Variants in MAP3K7 observed in about 807,000 individuals in gnomAD.
MAP3K7 encodes the protein mitogen-activated protein kinase kinase kinase 7, also known as TGF-beta activated kinase 1.
Under a neutral mutation model 84.8 loss-of-function variants are expected in MAP3K7, and 21 were observed. The ratio of observed to expected loss-of-function variants is 0.25; its 90% CI spans 0.18 to 0.36. The LOEUF (loss-of-function observed/expected upper bound fraction) is 0.36, where lower values mean the gene tolerates loss of function less well. Among genes scored for constraint, MAP3K7 ranks in the 10% least tolerant of loss-of-function variants. MAP3K7 has a pLI of 1.00. For synonymous variants in MAP3K7, 241 were observed against 247.7 expected (o/e 0.97, Z 0.25); for missense variants, 503 against 747.7 (o/e 0.67, Z 3.82).
intron 3 of MAP3K7, among the ~76,000 whole-genome samples, chr6:90,568,054 G>T (rs1028386468): frequency 6.8e-6 from 1 of 147,248 alleles, no homozygotes; most frequent in African/African-American, 2.5e-5. Context: ...CACACACTGG[G>T]TCCTGTTGTG....
chr6:90,554,198 T>C (rs1354239873), intron 6 of MAP3K7, among the ~76,000 whole-genome samples: 1 of 152,220 alleles, frequency 6.6e-6, no homozygotes, highest in Non-Finnish European at 1.5e-5. Context: ...TGAGCCATTG[T>C]GCCTGGCCTC....
intron 16 of MAP3K7, among the ~76,000 whole-genome samples, chr6:90,517,812 C>T (rs1775016046): frequency 6.6e-6 from 1 of 151,526 alleles, no homozygotes; most frequent in Admixed American, 6.6e-5. Flanking sequence ...GAAGGGAATC[C>T]TATTATCATA....
intron 12 of MAP3K7, among the ~76,000 whole-genome samples, chr6:90,539,671 A>G (rs771196638): frequency 1.1e-4 from 16 of 151,880 alleles, no homozygotes; most frequent in African/African-American, 2.7e-4. Flanking sequence ...TAAAAAAGTG[A>G]TATTTTCATC....
chr6:90,559,650 C>T (rs953694229), intron 5 of MAP3K7, among the ~76,000 whole-genome samples: 2 of 152,164 alleles, frequency 1.3e-5, no homozygotes, highest in Non-Finnish European at 2.9e-5. Flanking sequence ...TGCCCTTTTA[C>T]TTTCCTCTGA....
At position 90,566,894 on chromosome 6, in the gene MAP3K7, T is replaced by G. The variant is rs531076889; in HGVS notation, c.297+1664A>C. Among the ~76,000 whole-genome samples, 44 of 152,190 alleles carry G rather than the reference T, an allele frequency of 2.9e-4. No homozygotes were observed. In the South Asian group the frequency reaches 7.7e-3, roughly 27 times the overall value. ...AGACCAATGGAACAGAACAGAGCCCTCAGAAATAATACCATACATCTACAA... is the reference window on the plus strand; with the variant it reads ...AGACCAATGGAACAGAACAGAGCCCGCAGAAATAATACCATACATCTACAA... On this transcript the variant is annotated intron_variant, in intron 3 of 16. Coordinates refer to ENST00000369329, the MANE Select transcript of MAP3K7 (RefSeq NM_145331.3).
chr6:90,571,367 A>C (rs1268191300), intron 2 of MAP3K7, among the ~76,000 whole-genome samples: 2 of 152,132 alleles, frequency 1.3e-5, no homozygotes, highest in Admixed American at 6.6e-5. Context: ...AAATTTCTTA[A>C]TTTTAGATAA....
chr6:90,517,962 C>T (rs157702), intron 16 of MAP3K7, among the ~76,000 whole-genome samples: 106,451 of 151,418 alleles, frequency 0.7, 37,747 homozygotes, highest in Middle Eastern at 0.8. Flanking sequence ...ACTGTGAATG[C>T]AGTAGTAAGG....
At chr6:90,567,931 G>A (rs1776765591) in intron 3 of MAP3K7, among the ~76,000 whole-genome samples, 1 of 152,184 alleles carries the variant, frequency 6.6e-6, no homozygotes, top group South Asian at 2.1e-4. Context: ...GATGAAGCTG[G>A]AAACCATTAT....
At chr6:90,553,820 CTTTTTTCATCAAGAGGCAG>C (rs887876580) in intron 6 of MAP3K7, among the ~76,000 whole-genome samples, 10 of 152,216 alleles carry the variant, frequency 6.6e-5, no homozygotes, top group Admixed American at 2.6e-4. Context: ...TATTTTCTAT[CTTTTTTCATCAAGAGGCAG>C]TTTTTTCATC....
intron 1 of MAP3K7, among the ~76,000 whole-genome samples, chr6:90,580,514 T>A (rs1777234407): frequency 6.6e-6 from 1 of 152,138 alleles, no homozygotes; most frequent in South Asian, 2.1e-4. Flanking sequence ...AGAGACAGGG[T>A]CTCACTATGT....
chr6:90,564,690 G>A (rs1283685864), intron 3 of MAP3K7, among the ~76,000 whole-genome samples: 3 of 152,172 alleles, frequency 2.0e-5, no homozygotes, highest in Non-Finnish European at 4.4e-5. Context: ...GGATATCCAC[G>A]AATTGAACTC....
In MAP3K7 at chr6:90,515,828, G is replaced by C. The variant is rs1010781283; in HGVS notation, c.*673C>G. ...CTTAAAAAAAAATGAGTTCCATTTT[G>C]TTCAATGTATCACAATCAAATTTTA... On this transcript the variant is annotated 3_prime_UTR_variant, in exon 17 of 17. Transcript: ENST00000369329. 6.6e-6 allele frequency: 1 copy of C among 152,018 alleles called. No homozygotes were observed. Among genetic ancestry groups the C allele is most frequent in the Middle Eastern group, 3.4e-3 (1 of 294 alleles). 9.4% of individuals were successfully genotyped at this position (152,018 alleles called of 1,614,324 possible).
In MAP3K7 at chr6:90,553,579, A is replaced by C. The variant is rs1201135517; in HGVS notation, c.615T>G (p.Asn205Lys). 6.2e-7 allele frequency: 1 copy of C among 1,604,986 alleles called. No homozygotes were observed. The highest frequency in any genetic ancestry group is 1.1e-5 in the South Asian group (1 of 88,928). The change falls in exon 7 of 17, where the codon AAT becomes AAG. Residue 205 changes from asparagine to lysine, a missense_variant. Physicochemically the swap from Asn to Lys is moderately conservative, Grantham distance 94 (BLOSUM62 0). Coordinates refer to ENST00000369329, the MANE Select transcript of MAP3K7 (RefSeq NM_145331.3). ...WMAPEVFEGS[N>K]YSEKCDVFSW... ...TGAAGACGTCACATTTTTCACTGTAATTACTACCTAGAAAAAAAAAAGGTA... is the reference window on the plus strand; with the variant it reads ...TGAAGACGTCACATTTTTCACTGTACTTACTACCTAGAAAAAAAAAAGGTA...
In MAP3K7 at chr6:90,556,602, TC is replaced by T; in HGVS notation, c.504del (p.Thr169GlnfsTer3). 1 of 1,607,724 alleles carries T rather than the reference TC, an allele frequency of 6.2e-7. No homozygotes were observed. Among genetic ancestry groups the T allele is most frequent in the Non-Finnish European group, 8.5e-7 (1 of 1,177,488 alleles). On this transcript the variant is annotated frameshift_variant, in exon 6 of 17. Transcript: ENST00000369329. LOFTEE classifies it high-confidence loss of function. ...KPPNLLLVAG[G>X]TVLKICDFGT... ...CCAAAATCACAAATTTTTAGAACTG[TC>T]CCCCCTGCAACCAGCAGTAAGCTGT...
In MAP3K7 at chr6:90,566,661, C is replaced by A. The variant is rs561988775; in HGVS notation, c.297+1897G>T. On this transcript the variant is annotated intron_variant, in intron 3 of 16. Coordinates refer to ENST00000369329, the MANE Select transcript of MAP3K7 (RefSeq NM_145331.3). ...CCCAAGGTAATTTATAGATTCAATGCCATCCCCATCAAGCTACCAATGACT... is the reference window on the plus strand; with the variant it reads ...CCCAAGGTAATTTATAGATTCAATGACATCCCCATCAAGCTACCAATGACT... Among the ~76,000 whole-genome samples the A allele has an allele frequency of 1.2e-4, 19 of 152,208 alleles. No individual in the cohort carries two copies. In the South Asian group the frequency reaches 3.1e-3, roughly 25 times the overall value.
intron 1 of MAP3K7, among the ~76,000 whole-genome samples, chr6:90,578,495 G>C (rs901710019): frequency 2.9e-4 from 44 of 152,276 alleles, no homozygotes; most frequent in South Asian, 4.1e-4. Context: ...GGCTGGTCTT[G>C]AACTCCTGAG....
intron 3 of MAP3K7, among the ~76,000 whole-genome samples, chr6:90,565,666 C>G (rs1050874559): frequency 3.3e-5 from 5 of 152,164 alleles, no homozygotes; most frequent in Non-Finnish European, 5.9e-5. Context: ...CCTTCTGAAA[C>G]TATTCCAATC....
Position 90,523,738 on chromosome 6 carries a change from A to C in MAP3K7, c.1402T>G (p.Ser468Ala). 1 of 1,613,394 alleles carries C rather than the reference A, an allele frequency of 6.2e-7. No individual in the cohort carries two copies. The highest frequency in any genetic ancestry group is 8.5e-7 in the Non-Finnish European group (1 of 1,179,558). Residue 468 changes from serine (S) to alanine (A), a missense_variant, in exon 14 of 17, where the codon TCA becomes GCA. Ser to Ala is a moderately conservative substitution (Grantham distance 99). Around this residue, in one of 5 missense-constraint regions of MAP3K7, gnomAD observed 286 missense variants for 313.6 expected, o/e 0.91. Transcript: ENST00000369329. ...SSPSVRMITT[S>A]GPTSEKPTRS... ...GTTGGCTTTTCTGAGGTTGGTCCTGAGGTAGTAATCATTCTGACACTGGGA... is the reference window on the plus strand; with the variant it reads ...GTTGGCTTTTCTGAGGTTGGTCCTGCGGTAGTAATCATTCTGACACTGGGA...
chr6:90,586,893 C>A lies in MAP3K7; in HGVS notation c.-10G>T. On this transcript the variant is annotated 5_prime_UTR_variant, in exon 1 of 17. Transcript: ENST00000369329. ...CAGAGGCTGTAGACATGATCCCTCG[C>A]GGCGCCCGGTGGGGCCGGGAACGGT... 1.2e-6 allele frequency: 2 copies of A among 1,600,914 alleles called. No individual in the cohort carries two copies. Among genetic ancestry groups the A allele is most frequent in the Non-Finnish European group, 1.7e-6 (2 of 1,175,256 alleles).
Sources: allele counts gnomAD v4.1 joint callset (sites outside exome capture counted in the v4.1 genomes callset), GRCh38; gene constraint gnomAD v4.1.1; regional missense constraint gnomAD v4.1.1; transcripts MANE v1.5; gene names NCBI Gene and HGNC (gene_info 2026-07-23, HGNC 2026-07-21).